The following FAT4 variants were observed in gnomAD, a reference collection of about 807,000 sequenced individuals.
FAT4 encodes protocadherin Fat 4.
In FAT4, 84 loss-of-function variants were observed where a neutral mutation model predicts 303.9. The ratio of observed to expected loss-of-function variants is 0.28; its 90% confidence interval spans 0.23 to 0.33. The LOEUF (loss-of-function observed/expected upper bound fraction) is 0.33, where lower values mean the gene tolerates loss of function less well. FAT4 is among the 10% of genes least tolerant of loss of function. The pLI is 1.00. For missense variants in FAT4, 6,005 were observed against 6,146.8 expected, an observed-to-expected ratio of 0.98 and a Z score of 0.77; for synonymous variants, 2,307 against 2,298.8, an observed-to-expected ratio of 1.00 and a Z score of -0.10.
intron 2 of FAT4, among the ~76,000 whole-genome samples, chr4:125,366,171 T>C (rs1412674166): frequency 6.6e-6 from 1 of 152,182 alleles, no homozygotes; most frequent in African/African-American, 2.4e-5. Flanking sequence ...ATGGGGTTTG[T>C]TGTACAGATT....
At position 125,319,696 on chromosome 4, in the gene FAT4, T is replaced by C; in HGVS notation, c.3285T>C (p.Asp1095=). 1 of 1,614,164 alleles carries C rather than the reference T, an allele frequency of 6.2e-7. No homozygotes were observed. The highest frequency in any genetic ancestry group is 8.5e-7 in the Non-Finnish European group (1 of 1,179,964). The change falls in exon 2 of 18, where the codon GAT becomes GAC. Residue 1095 remains aspartate, a synonymous_variant. Coordinates refer to ENST00000394329, the MANE Select transcript of FAT4 (RefSeq NM_001291303.3). ...NVTVILEDVN[D]NRPLFNSTNY... ...CTGTAATTTTAGAAGATGTAAATGA[T>C]AACAGACCTCTTTTTAACAGTACCA...
intron 7 of FAT4, among the ~76,000 whole-genome samples, chr4:125,433,843 G>GCCTC (rs5861723): frequency 0.06 from 9,183 of 152,174 alleles, 426 homozygotes; most frequent in East Asian, 0.19. Flanking sequence ...TTTTAACATT[G>GCCTC]CCTTGTTAGT....
At chr4:125,355,040 C>T (rs1316018639) in intron 2 of FAT4, among the ~76,000 whole-genome samples, 2 of 151,774 alleles carry the variant, frequency 1.3e-5, no homozygotes, top group African/African-American at 4.8e-5. Flanking sequence ...TTAGTATAGC[C>T]TCTACTTATT....
Position 125,318,210 on chromosome 4 carries a change from C to T in FAT4, c.1799C>T (p.Thr600Ile), listed in dbSNP as rs758103598. 2 of 1,614,200 alleles carry T rather than the reference C, an allele frequency of 1.2e-6. No homozygotes were observed. Among genetic ancestry groups the T allele is most frequent in the South Asian group, 1.1e-5 (1 of 91,086 alleles). The change falls in exon 2 of 18, where the codon ACA becomes ATA. Residue 600 changes from threonine to isoleucine, a missense_variant. Physicochemically the swap from Thr to Ile is moderately conservative, Grantham distance 89 (BLOSUM62 -1). Coordinates refer to ENST00000394329, the MANE Select transcript of FAT4 (RefSeq NM_001291303.3). ...GTGGTTGAGAATGCCCCAACAGGGA[C>T]AGAACTGTTGATGCTCAGGGCAACT... ...VSVVENAPTG[T>I]ELLMLRATDG...
chr4:125,371,248 T>C (rs1468148373), intron 2 of FAT4, among the ~76,000 whole-genome samples: 2 of 151,804 alleles, frequency 1.3e-5, no homozygotes, highest in Non-Finnish European at 2.9e-5. Context: ...ATATCAAATA[T>C]CTAACATAAA....
intron 10 of FAT4, among the ~76,000 whole-genome samples, chr4:125,459,794 G>C (rs1233039476): frequency 1.3e-5 from 2 of 152,068 alleles, no homozygotes; most frequent in African/African-American, 4.8e-5. Context: ...TTGTTTCACA[G>C]TGCTTCAACA....
chr4:125,338,351 G>A (rs2663274), intron 2 of FAT4, among the ~76,000 whole-genome samples: 113,116 of 152,086 alleles, frequency 0.74, 42,977 homozygotes, highest in African/African-American at 0.89. Context: ...AGGGATAAGT[G>A]TTAACTAGGA....
chr4:125,461,023 A>G (rs1430990318), intron 10 of FAT4, among the ~76,000 whole-genome samples: 1 of 152,096 alleles, frequency 6.6e-6, no homozygotes, highest in African/African-American at 2.4e-5. Flanking sequence ...TAAGTTTTAT[A>G]GGAAATTCGT....
At chr4:125,471,853 C>G (rs1428974006) in intron 12 of FAT4, among the ~76,000 whole-genome samples, 1 of 134,360 alleles carries the variant, frequency 7.4e-6, no homozygotes, top group African/African-American at 2.8e-5. Flanking sequence ...AGATCGAGAC[C>G]ATCCTGGCTA....
At chr4:125,411,229 G>GCTTACAT (rs1477186035) in intron 5 of FAT4, among the ~76,000 whole-genome samples, 1 of 151,856 alleles carries the variant, frequency 6.6e-6, no homozygotes, top group Admixed American at 6.6e-5. Context: ...TTAAAATTTA[G>GCTTACAT]CTTACATGAT....
chr4:125,352,898 A>C (rs1462555200), intron 2 of FAT4, among the ~76,000 whole-genome samples: 1 of 151,764 alleles, frequency 6.6e-6, no homozygotes, highest in Non-Finnish European at 1.5e-5. Context: ...TGATGTATTA[A>C]AAAAATGATT....
intron 11 of FAT4, among the ~76,000 whole-genome samples, chr4:125,467,749 T>TA (rs1726714933): frequency 1.3e-5 from 2 of 152,266 alleles, no homozygotes; most frequent in Middle Eastern, 3.4e-3. Flanking sequence ...GGTACTGATT[T>TA]TAAAAAAATC....
At position 125,321,259 on chromosome 4, in the gene FAT4, A is replaced by T. The variant is rs539020773; in HGVS notation, c.4848A>T (p.Glu1616Asp). 8.7e-6 allele frequency: 14 copies of T among 1,614,160 alleles called. No homozygotes were observed. Among genetic ancestry groups the T allele is most frequent in the African/African-American group, 5.3e-5 (4 of 75,054 alleles). ...LGPERRKSTTELTIILQGLDG... is the reference protein window; with the variant it reads ...LGPERRKSTTDLTIILQGLDG... ...CTGAAAGGAGGAAATCGACCACTGAATTGACCATCATTCTTCAGGGCCTTG... is the reference window on the plus strand; with the variant it reads ...CTGAAAGGAGGAAATCGACCACTGATTTGACCATCATTCTTCAGGGCCTTG... The change falls in exon 2 of 18, where the codon GAA (glutamate) becomes GAT (aspartate). Residue 1616 changes from glutamate to aspartate, a missense_variant. Coordinates refer to ENST00000394329, the MANE Select transcript of FAT4 (RefSeq NM_001291303.3).
At chr4:125,477,494 A>T (rs1578689271) in intron 14 of FAT4, 160 bp downstream of exon 14, 2 of 517,476 alleles carry the variant, frequency 3.9e-6, no homozygotes, top group East Asian at 6.4e-5. Flanking sequence ...AAATTTTGGC[A>T]TAAAGTATGA....
At chr4:125,438,119 G>C (rs1192998543) in intron 8 of FAT4, among the ~76,000 whole-genome samples, 2 of 152,134 alleles carry the variant, frequency 1.3e-5, no homozygotes, top group African/African-American at 4.8e-5. Context: ...TGCAGATGCT[G>C]TTTCTTAGAC....
chr4:125,400,432 T>A (rs1410181937), intron 3 of FAT4, among the ~76,000 whole-genome samples: 1 of 152,176 alleles, frequency 6.6e-6, no homozygotes, highest in African/African-American at 2.4e-5. Flanking sequence ...CTGTTATAAT[T>A]TTATTTCCTT....
chr4:125,318,536 A>G lies in FAT4; in HGVS notation c.2125A>G (p.Thr709Ala). The change falls in exon 2 of 18, where the codon ACC becomes GCC. Residue 709 changes from threonine (T) to alanine (A), a missense_variant. Thr to Ala is a moderately conservative substitution (Grantham distance 58). Transcript: ENST00000394329. Reference sequence around the variant, plus strand: ...GAATGAGCCTGGAGGTAGCTACATCACCACTGTGTCTGCCACTGACCCAGA... The same window carrying G: ...GAATGAGCCTGGAGGTAGCTACATCGCCACTGTGTCTGCCACTGACCCAGA... ...KENEPGGSYI[T>A]TVSATDPDLG... 1.2e-6 allele frequency: 2 copies of G among 1,614,154 alleles called. No homozygotes were observed. Among genetic ancestry groups the G allele is most frequent in the Non-Finnish European group, 1.7e-6 (2 of 1,180,030 alleles).
intron 7 of FAT4, among the ~76,000 whole-genome samples, chr4:125,427,252 AGT>A (rs978688150): frequency 6.6e-6 from 1 of 151,782 alleles, no homozygotes; most frequent in African/African-American, 2.4e-5. Flanking sequence ...CGATTTTTTA[AGT>A]GTATGGTTTA....
chr4:125,401,371 A>G (rs568084182), intron 3 of FAT4, among the ~76,000 whole-genome samples: 225 of 151,920 alleles, frequency 1.5e-3, no homozygotes, highest in African/African-American at 5.3e-3. Context: ...CTTTATTCTC[A>G]GCTCCTTACC....
Sources: gnomAD v4.1 joint callset for allele counts (sites outside exome capture counted in the v4.1 genomes callset) on GRCh38, gnomAD v4.1.1 for gene constraint, MANE v1.5 for transcripts, NCBI Gene and HGNC (gene_info 2026-07-23, HGNC 2026-07-21) for gene names.